Variants in FBXL7 observed in about 807,000 individuals in gnomAD.
The protein encoded by FBXL7 is F-box/LRR-repeat protein 7.
FBXL7 carries 12 observed loss-of-function variants against 38.3 expected under a neutral mutation model. The observed-to-expected ratio is 0.31, with a 90% confidence interval of 0.20 to 0.51. The LOEUF (loss-of-function observed/expected upper bound fraction) is 0.51. Among genes scored for constraint, FBXL7 ranks in the 20% least tolerant of loss-of-function variants. FBXL7 has a pLI of 0.98. For missense variants in FBXL7, 567 were observed against 676.4 expected (o/e 0.84, Z 1.79); for synonymous variants, 297 against 300.9 (o/e 0.99, Z 0.13).
intron 2 of FBXL7, among the ~76,000 whole-genome samples, chr5:15,900,339 C>T (rs1031777013): frequency 6.6e-6 from 1 of 152,126 alleles, no homozygotes; most frequent in Non-Finnish European, 1.5e-5. Context: ...TGGCCTTCCA[C>T]CACCCTAGTA....
chr5:15,569,617 C>T (rs1431354001), intron 1 of FBXL7, among the ~76,000 whole-genome samples: 7 of 151,612 alleles, frequency 4.6e-5, no homozygotes, highest in Non-Finnish European at 8.8e-5. Context: ...GCCAGAACTT[C>T]CAACACTATG....
chr5:15,810,233 C>A (rs189683887), intron 2 of FBXL7, among the ~76,000 whole-genome samples: 1 of 151,868 alleles, frequency 6.6e-6, no homozygotes, highest in East Asian at 1.9e-4. Flanking sequence ...AAACATGTGC[C>A]ATTGAATAAT....
Position 15,663,832 on chromosome 5 carries a change from C to T in FBXL7, c.127+47760C>T, listed in dbSNP as rs141765208. On this transcript the variant is annotated intron_variant, in intron 2 of 3. Coordinates refer to ENST00000504595, the MANE Select transcript of FBXL7 (RefSeq NM_012304.5). The stretch of plus-strand genomic sequence containing the variant: ...CTTAATGTAAGATCTACCCTCTTAG[C>T]GAATTTTAAGTATACCATACAATAT... Among the ~76,000 whole-genome samples the T allele has an allele frequency of 4.6e-5, 7 of 152,150 alleles. No homozygotes were observed. In the East Asian group the frequency reaches 5.8e-4, roughly 13 times the overall value.
intron 1 of FBXL7, among the ~76,000 whole-genome samples, chr5:15,573,139 G>A (rs565243658): frequency 6.6e-6 from 1 of 152,100 alleles, no homozygotes; most frequent in Non-Finnish European, 1.5e-5. Context: ...GCAGGTGTTT[G>A]TCATCCATAA....
chr5:15,686,790 A>G (rs1743028933), intron 2 of FBXL7, among the ~76,000 whole-genome samples: 1 of 152,214 alleles, frequency 6.6e-6, no homozygotes, highest in South Asian at 2.1e-4. Context: ...TTTTGGAAGG[A>G]AAATGTACCA....
chr5:15,634,308 C>T (rs1174717426), intron 2 of FBXL7, among the ~76,000 whole-genome samples: 10 of 117,862 alleles, frequency 8.5e-5, no homozygotes, highest in East Asian at 2.4e-4. Context: ...TTTATATGTT[C>T]GTTTCTTTTT....
intron 2 of FBXL7, among the ~76,000 whole-genome samples, chr5:15,699,820 G>GC (rs908166260): frequency 6.6e-6 from 1 of 152,190 alleles, no homozygotes; most frequent in African/African-American, 2.4e-5. Context: ...ACTCTGAGTA[G>GC]CCCTGCCAGA....
At chr5:15,509,582 T>A (rs2126353681) in intron 1 of FBXL7, among the ~76,000 whole-genome samples, 1 of 152,286 alleles carries the variant, frequency 6.6e-6, no homozygotes, top group South Asian at 2.1e-4. Flanking sequence ...GATGTGCCTG[T>A]TTTCTAAAAA....
chr5:15,794,285 C>T (rs2126734269), intron 2 of FBXL7, among the ~76,000 whole-genome samples: 1 of 152,310 alleles, frequency 6.6e-6, no homozygotes, highest in Middle Eastern at 3.4e-3. Flanking sequence ...TAGTATTTTA[C>T]ATTGTTAATC....
intron 2 of FBXL7, among the ~76,000 whole-genome samples, chr5:15,860,391 T>G (rs1165273038): frequency 6.6e-6 from 1 of 152,216 alleles, no homozygotes. Flanking sequence ...GCTGTCCTGC[T>G]TGATTTATTT....
rs750394627 is a variant in FBXL7, at chr5:15,915,675, C to T, written c.128-12215C>T. Among the ~76,000 whole-genome samples, 3 of 152,070 alleles carry T rather than the reference C, an allele frequency of 2.0e-5. No homozygotes were observed. The South Asian group carries it at 6.2e-4, about 32-fold the overall frequency. On this transcript the variant is annotated intron_variant, in intron 2 of 3. Coordinates refer to ENST00000504595, the MANE Select transcript of FBXL7 (RefSeq NM_012304.5). ...CTTTTGCAGGGGACGCAATTCAACC[C>T]GTAACAGAAGGAATGAGCTAGTCAA...
At chr5:15,662,450 G>A (rs1742118561) in intron 2 of FBXL7, among the ~76,000 whole-genome samples, 1 of 152,082 alleles carries the variant, frequency 6.6e-6, no homozygotes, top group Non-Finnish European at 1.5e-5. Flanking sequence ...CCATTCTGTA[G>A]GTTGTCTGTT....
chr5:15,641,852 G>A (rs12055284), intron 2 of FBXL7, among the ~76,000 whole-genome samples: 8,955 of 151,944 alleles, frequency 0.059, 730 homozygotes, highest in East Asian at 0.36. Flanking sequence ...TTTTCTGACT[G>A]CAGACCTTGG....
chr5:15,916,591 A>G (rs76274652), intron 2 of FBXL7, among the ~76,000 whole-genome samples: 2,148 of 152,306 alleles, frequency 0.014, 30 homozygotes, highest in Non-Finnish European at 0.022. Context: ...AAGAGAGGAC[A>G]GTGTTGCAGA....
At chr5:15,753,375 T>C (rs1022590153) in intron 2 of FBXL7, among the ~76,000 whole-genome samples, 5 of 152,352 alleles carry the variant, frequency 3.3e-5, no homozygotes, top group Non-Finnish European at 7.3e-5. Flanking sequence ...TTTTTAATGT[T>C]AGTATTTGTG....
intron 2 of FBXL7, 25 bp downstream of exon 2, chr5:15,616,097 CTCTT>C (rs1335329170): frequency 4.8e-6 from 7 of 1,451,180 alleles, no homozygotes; most frequent in Non-Finnish European, 6.5e-6. Flanking sequence ...TTCATTATCT[CTCTT>C]TCTTCTTCAC....
At chr5:15,760,939 GAAAA>G (rs573442571) in intron 2 of FBXL7, among the ~76,000 whole-genome samples, 1 of 141,384 alleles carries the variant, frequency 7.1e-6, no homozygotes, top group African/African-American at 2.6e-5. Flanking sequence ...GAATGAGACA[GAAAA>G]AAAAAAAGCA....
intron 2 of FBXL7, among the ~76,000 whole-genome samples, chr5:15,882,093 C>G (rs554587862): frequency 1.3e-5 from 2 of 152,044 alleles, no homozygotes; most frequent in African/African-American, 4.8e-5. Flanking sequence ...ACTATCGTGA[C>G]GACAGCACCA....
chr5:15,565,626 T>A (rs551766103), intron 1 of FBXL7, among the ~76,000 whole-genome samples: 1 of 152,100 alleles, frequency 6.6e-6, no homozygotes, highest in Non-Finnish European at 1.5e-5. Context: ...TGCACAATTA[T>A]GGAGGCTAAG....
Sources: allele counts gnomAD v4.1 joint callset (sites outside exome capture counted in the v4.1 genomes callset), GRCh38; gene constraint gnomAD v4.1.1; transcripts MANE v1.5; gene names NCBI Gene and HGNC (gene_info 2026-07-23, HGNC 2026-07-21).